Variants in TNFSF4 observed in about 807,000 individuals in gnomAD.
The protein encoded by TNFSF4 is TNF superfamily member 4.
TNFSF4 carries 4 observed loss-of-function variants against 7.3 expected under a neutral mutation model. The observed-to-expected ratio is 0.55, with a 90% confidence interval of 0.27 to 1.25. The LOEUF (loss-of-function observed/expected upper bound fraction) is 1.25, where lower values mean the gene tolerates loss of function less well. TNFSF4 is among the 50% of genes most tolerant of loss of function. The pLI, the probability that TNFSF4 is intolerant of heterozygous loss-of-function variation, is 0.12. For synonymous variants in TNFSF4, 76 were observed against 83.7 expected (o/e 0.91, Z 0.50); for missense variants, 181 against 208.8 (o/e 0.87, Z 0.82).
chr1:173,224,333 C>G, the TNFSF4 span, among the ~76,000 whole-genome samples: 1 of 152,328 alleles, frequency 6.6e-6, no homozygotes, highest in Non-Finnish European at 1.5e-5. Context: ...GGTACTCCAG[C>G]CCTGTGTGGA....
chr1:173,336,716 C>T, the TNFSF4 span, among the ~76,000 whole-genome samples: 1 of 152,238 alleles, frequency 6.6e-6, no homozygotes, highest in Admixed American at 6.5e-5. Context: ...AGTAGCAATA[C>T]TCTAGTCTGT....
At chr1:173,431,501 C>T in the TNFSF4 span, among the ~76,000 whole-genome samples, 1 of 152,260 alleles carries the variant, frequency 6.6e-6, no homozygotes, top group Admixed American at 6.5e-5. Context: ...CCTCCGTGAG[C>T]CTGCATTGGC....
At chr1:173,278,950 T>A in the TNFSF4 span, among the ~76,000 whole-genome samples, 1 of 152,084 alleles carries the variant, frequency 6.6e-6, no homozygotes, top group Non-Finnish European at 1.5e-5. Flanking sequence ...ATATTTGTAA[T>A]CCAAACATGT....
the TNFSF4 span, among the ~76,000 whole-genome samples, chr1:173,400,425 C>T: frequency 6.6e-6 from 1 of 152,208 alleles, no homozygotes; most frequent in Non-Finnish European, 1.5e-5. Flanking sequence ...ACTGTTACTC[C>T]AGTTACACCA....
At chr1:173,253,524 T>C in the TNFSF4 span, among the ~76,000 whole-genome samples, 3 of 152,170 alleles carry the variant, frequency 2.0e-5, no homozygotes, top group East Asian at 5.8e-4. Flanking sequence ...CAATTCAACC[T>C]TAATAACACA....
At chr1:173,340,090 T>C in the TNFSF4 span, among the ~76,000 whole-genome samples, 1 of 152,172 alleles carries the variant, frequency 6.6e-6, no homozygotes. Context: ...TTAAATCTCC[T>C]GCAAGTAAAA....
the TNFSF4 span, among the ~76,000 whole-genome samples, chr1:173,174,916 T>C: frequency 6.6e-6 from 1 of 152,356 alleles, no homozygotes; most frequent in Admixed American, 6.5e-5. Context: ...CTGTCCCACT[T>C]GGTAATAATG....
chr1:173,194,358 ATG>A (rs1649607336), intron 1 of TNFSF4, among the ~76,000 whole-genome samples: 1 of 152,244 alleles, frequency 6.6e-6, no homozygotes, highest in African/African-American at 2.4e-5. Flanking sequence ...ATGAACTTCT[ATG>A]CCAGTTGGGA....
In TNFSF4 at chr1:173,188,550, C is replaced by G. The variant is rs368338886; in HGVS notation, c.173G>C (p.Arg58Pro). Residue 58 changes from arginine (R) to proline (P), a missense_variant, in exon 2 of 3, where the codon CGA (arginine) becomes CCA (proline). By Grantham distance (103) the Arg-to-Pro change is moderately radical (BLOSUM62 -2). Coordinates refer to ENST00000281834, the MANE Select transcript of TNFSF4 (RefSeq NM_003326.5). ...AAATTGTACTTTGATACTTTGAATTCGAGGATACCGATGTGATACCTGAGG... is the reference window on the plus strand; with the variant it reads ...AAATTGTACTTTGATACTTTGAATTGGAGGATACCGATGTGATACCTGAGG... The part of the protein sequence containing the change: ...SALQVSHRYP[R>P]IQSIKVQFTE... 13 of 1,612,096 alleles carry G rather than the reference C, an allele frequency of 8.1e-6. No homozygotes were observed. The highest frequency in any genetic ancestry group is 1.1e-5 in the Non-Finnish European group (13 of 1,178,580).
the TNFSF4 span, among the ~76,000 whole-genome samples, chr1:173,212,573 G>A: frequency 2.7e-5 from 4 of 149,636 alleles, no homozygotes; most frequent in Admixed American, 2.7e-4. Flanking sequence ...GATGGTTAGT[G>A]GGTACAAAAA....
intron 1 of TNFSF4, 146 bp from the exon 2 acceptor site, chr1:173,188,715 T>C (rs572502391): frequency 2.9e-6 from 2 of 683,704 alleles, no homozygotes; most frequent in East Asian, 2.7e-5. Context: ...TTTGTTGTTG[T>C]TGTTGTTGTT....
chr1:173,327,828 G>A, the TNFSF4 span, among the ~76,000 whole-genome samples: 1 of 152,074 alleles, frequency 6.6e-6, no homozygotes, highest in Non-Finnish European at 1.5e-5. Flanking sequence ...CAGTTAGAAT[G>A]GCGATCATTA....
At chr1:173,173,650 A>G in the TNFSF4 span, among the ~76,000 whole-genome samples, 2 of 152,180 alleles carry the variant, frequency 1.3e-5, no homozygotes, top group Non-Finnish European at 2.9e-5. Context: ...CAGGCCCAAC[A>G]CCATATGTAA....
chr1:173,175,424 G>A, the TNFSF4 span: 7 of 152,068 alleles, frequency 4.6e-5, no homozygotes, highest in Admixed American at 4.6e-4. Flanking sequence ...TTTTGTTATA[G>A]GCCCTCAAAT....
the TNFSF4 span, among the ~76,000 whole-genome samples, chr1:173,387,627 T>C: frequency 6.6e-6 from 1 of 152,192 alleles, no homozygotes; most frequent in Admixed American, 6.5e-5. Context: ...TTGAGATCAT[T>C]GCTGTATTTT....
At chr1:173,278,848 AC>A in the TNFSF4 span, among the ~76,000 whole-genome samples, 2 of 152,090 alleles carry the variant, frequency 1.3e-5, no homozygotes, top group Non-Finnish European at 2.9e-5. Context: ...CTGTAAAAGC[AC>A]CCAAAGCCCT....
the TNFSF4 span, among the ~76,000 whole-genome samples, chr1:173,339,029 A>T: frequency 6.6e-6 from 1 of 152,052 alleles, no homozygotes; most frequent in South Asian, 2.1e-4. Context: ...ACAACAACAT[A>T]ATCCACACGG....
At chr1:173,233,911 T>A in the TNFSF4 span, among the ~76,000 whole-genome samples, 101 of 151,924 alleles carry the variant, frequency 6.6e-4, no homozygotes, top group Admixed American at 2.1e-3. Flanking sequence ...TCTAAAACAC[T>A]AAAAGCAATG....
the TNFSF4 span, among the ~76,000 whole-genome samples, chr1:173,290,303 G>A: frequency 6.6e-6 from 1 of 152,144 alleles, no homozygotes; most frequent in South Asian, 2.1e-4. Context: ...GTGGCAAGTT[G>A]GATAAGGGAG....
Sources: gnomAD v4.1 joint callset for allele counts (sites outside exome capture counted in the v4.1 genomes callset) on GRCh38, gnomAD v4.1.1 for gene constraint, MANE v1.5 for transcripts, NCBI Gene and HGNC (gene_info 2026-07-23, HGNC 2026-07-21) for gene names.